SPMAP2L: variants seen among roughly 807,000 people sequenced by gnomAD.
The protein encoded by SPMAP2L is sperm microtubule associated protein 2 like.
the SPMAP2L span, among the ~76,000 whole-genome samples, chr4:56,559,111 T>A: frequency 1.1e-4 from 16 of 151,878 alleles, no homozygotes; most frequent in African/African-American, 3.9e-4. Context: ...TTTTTGTAGT[T>A]TTAGTAGAGA....
At chr4:56,594,856 T>C in the SPMAP2L span, 2 of 1,606,854 alleles carry the variant, frequency 1.2e-6, no homozygotes, top group Non-Finnish European at 8.5e-7. Flanking sequence ...ATATGAACGC[T>C]CAGGTGGGAA....
chr4:56,601,090 C>T, the SPMAP2L span: 2 of 1,534,528 alleles, frequency 1.3e-6, no homozygotes, highest in South Asian at 2.4e-5. Flanking sequence ...GATTCAGGAA[C>T]TAGCTAATCC....
the SPMAP2L span, among the ~76,000 whole-genome samples, chr4:56,599,729 G>T: frequency 3.8e-4 from 58 of 152,146 alleles, no homozygotes; most frequent in Non-Finnish European, 7.6e-4. Context: ...CAAAAGATAT[G>T]ATCTCATTCT....
the SPMAP2L span, chr4:56,548,857 C>G: frequency 1.4e-6 from 2 of 1,408,822 alleles, no homozygotes; most frequent in South Asian, 3.2e-5. Flanking sequence ...TTTCACAGAC[C>G]TAAACTAATA....
chr4:56,589,124 G>A, the SPMAP2L span, among the ~76,000 whole-genome samples: 2 of 151,882 alleles, frequency 1.3e-5, no homozygotes, highest in Admixed American at 1.3e-4. Flanking sequence ...GAGTAGTTGG[G>A]ATTACAGGCG....
chr4:56,589,842 G>A, the SPMAP2L span, among the ~76,000 whole-genome samples: 116 of 152,094 alleles, frequency 7.6e-4, no homozygotes, highest in Non-Finnish European at 1.3e-3. Context: ...GCATAGAAGA[G>A]CTACTGATTT....
chr4:56,534,751 A>AC, the SPMAP2L span, among the ~76,000 whole-genome samples: 2 of 151,978 alleles, frequency 1.3e-5, no homozygotes, highest in Non-Finnish European at 2.9e-5. Flanking sequence ...ACATGGTGAA[A>AC]CCCCGTCTCT....
chr4:56,605,979 T>C, the SPMAP2L span, among the ~76,000 whole-genome samples: 3 of 152,242 alleles, frequency 2.0e-5, no homozygotes, highest in African/African-American at 7.2e-5. Flanking sequence ...TGCATGTTTT[T>C]ACTTCTGTAG....
the SPMAP2L span, chr4:56,600,932 A>C: frequency 6.5e-7 from 1 of 1,533,662 alleles, no homozygotes; most frequent in East Asian, 2.4e-5. Flanking sequence ...TTTCCACTAT[A>C]GGTACCTCCT....
At chr4:56,565,863 G>A in the SPMAP2L span, among the ~76,000 whole-genome samples, 1 of 151,892 alleles carries the variant, frequency 6.6e-6, no homozygotes, top group African/African-American at 2.4e-5. Context: ...TTTTATCATT[G>A]GTAACATATG....
At chr4:56,538,979 A>G in the SPMAP2L span, among the ~76,000 whole-genome samples, 3 of 152,214 alleles carry the variant, frequency 2.0e-5, no homozygotes, top group Non-Finnish European at 4.4e-5. Context: ...TTGGGCAATA[A>G]TTAGCACATC....
chr4:56,594,867 T>C, the SPMAP2L span: 1 of 1,609,664 alleles, frequency 6.2e-7, no homozygotes, highest in Non-Finnish European at 8.5e-7. Context: ...CAGGTGGGAA[T>C]CTGTCGCCCT....
At chr4:56,618,885 T>C in the SPMAP2L span, among the ~76,000 whole-genome samples, 1 of 152,180 alleles carries the variant, frequency 6.6e-6, no homozygotes, top group Non-Finnish European at 1.5e-5. Flanking sequence ...GTTTGGGAGT[T>C]CTGTACGTTA....
chr4:56,534,737 G>C, the SPMAP2L span, among the ~76,000 whole-genome samples: 1 of 152,094 alleles, frequency 6.6e-6, no homozygotes, highest in Non-Finnish European at 1.5e-5. Flanking sequence ...GACCAGCCTC[G>C]CCAACATGGT....
At chr4:56,571,576 T>C in the SPMAP2L span, among the ~76,000 whole-genome samples, 2 of 152,116 alleles carry the variant, frequency 1.3e-5, no homozygotes, top group Admixed American at 6.6e-5. Context: ...CTGAGCATGG[T>C]GGCTAGCACC....
chr4:56,556,249 A>G, the SPMAP2L span, among the ~76,000 whole-genome samples: 2 of 152,210 alleles, frequency 1.3e-5, no homozygotes, highest in East Asian at 1.9e-4. Flanking sequence ...GTGATAGCCT[A>G]TCCTAACACA....
chr4:56,605,586 A>G, the SPMAP2L span, among the ~76,000 whole-genome samples: 2 of 152,104 alleles, frequency 1.3e-5, no homozygotes, highest in African/African-American at 2.4e-5. Context: ...GTCTCTTTAA[A>G]TCACCTAGCC....
chr4:56,593,691 C>G, the SPMAP2L span: 1 of 1,600,612 alleles, frequency 6.2e-7, no homozygotes, highest in Admixed American at 1.7e-5. Context: ...AGAATGATGC[C>G]TGGAAGAATG....
At chr4:56,598,229 A>G in the SPMAP2L span, among the ~76,000 whole-genome samples, 4,872 of 152,286 alleles carry the variant, frequency 0.032, 170 homozygotes, top group African/African-American at 0.083. Flanking sequence ...TATTTTACCA[A>G]TAAAGCAACA....
Sources: gnomAD v4.1 joint callset for allele counts (sites outside exome capture counted in the v4.1 genomes callset) on GRCh38, gnomAD v4.1.1 for gene constraint, MANE v1.5 for transcripts, NCBI Gene and HGNC (gene_info 2026-07-23, HGNC 2026-07-21) for gene names.